Variants in OCA2 observed in about 807,000 individuals in gnomAD.
The protein encoded by OCA2 is P protein.
In OCA2, 77 loss-of-function variants were observed where a neutral mutation model predicts 100.2. The observed-to-expected ratio is 0.77, with a 90% CI of 0.64 to 0.93. The LOEUF is 0.93. OCA2 is among the 40% of genes least tolerant of loss of function. The pLI is 0.00. For missense variants in OCA2, 1,062 were observed against 1,089.1 expected, an observed-to-expected ratio of 0.98 and a Z score of 0.35; for synonymous variants, 432 against 439.2, an observed-to-expected ratio of 0.98 and a Z score of 0.21.
chr15:27,957,486 TA>T lies in OCA2; in HGVS notation c.1784+101del. On this transcript the variant is annotated intron_variant, in intron 16 of 23. Coordinates refer to ENST00000354638, the MANE Select transcript of OCA2 (RefSeq NM_000275.3). The surrounding 1 kb of genome is among the most constrained non-coding windows in gnomAD (Gnocchi z 4.3). ...GAGGCTTAGCACAGTGTGCGTCACC[TA>T]AATATCACGTATTAGTATACAGCTA... The T allele has an allele frequency of 7.2e-7, 1 of 1,380,438 alleles. No individual in the cohort carries two copies. The highest frequency in any genetic ancestry group is 1.0e-6 in the Non-Finnish European group (1 of 974,436). 85.5% of individuals were successfully genotyped at this position (1,380,438 alleles called of 1,614,324 possible). A position where few individuals can be genotyped will look rare whatever the true frequency, so the allele number is the denominator to read the frequency against.
chr15:27,893,801 T>C (rs1015938631), intron 19 of OCA2, among the ~76,000 whole-genome samples: 3 of 152,228 alleles, frequency 2.0e-5, no homozygotes, highest in South Asian at 2.1e-4. Context: ...CCGCTGAACA[T>C]AGACCCTTAT....
chr15:28,060,478 A>T (rs1329166692), intron 2 of OCA2, among the ~76,000 whole-genome samples: 3 of 152,216 alleles, frequency 2.0e-5, no homozygotes, highest in Non-Finnish European at 4.4e-5. Context: ...TTAGTATCTC[A>T]AAAGTATTAT....
chr15:27,951,923 C>G, intron 17 of OCA2, 31 bp from the exon 18 acceptor site: 4 of 1,427,382 alleles, frequency 2.8e-6, no homozygotes, highest in Non-Finnish European at 4.0e-6. Flanking sequence ...CTCATTTACT[C>G]TGCACAACCT....
chr15:27,892,709 A>T (rs2037515574), intron 19 of OCA2, among the ~76,000 whole-genome samples: 1 of 152,180 alleles, frequency 6.6e-6, no homozygotes, highest in African/African-American at 2.4e-5. Flanking sequence ...AACAATAAAG[A>T]TCACAGAAGA....
intron 23 of OCA2, among the ~76,000 whole-genome samples, chr15:27,776,981 G>T (rs952687530): frequency 3.3e-5 from 5 of 151,104 alleles, no homozygotes; most frequent in African/African-American, 9.7e-5. Context: ...AGGTGGGGGG[G>T]GGTGGGGGGA....
Position 28,016,154 on chromosome 15 carries a change from C to A in OCA2, c.840G>T (p.Pro280=). ...VTHNWTVYLN[P]RRSEHSVMSR... is the part of the protein sequence containing the mutation. ...TCATCACTGAGTGCTCGCTTCTCCT[C>A]GGATTTAAATACACCGTCCAGTTGT... Residue 280 remains proline, a synonymous_variant, in exon 8 of 24, where the codon CCG becomes CCT. Transcript: ENST00000354638. 1 of 1,614,172 alleles carries A rather than the reference C, an allele frequency of 6.2e-7. No individual in the cohort carries two copies. The highest frequency in any genetic ancestry group is 8.5e-7 in the Non-Finnish European group (1 of 1,180,022).
chr15:27,927,848 G>A (rs1414105201), intron 18 of OCA2, among the ~76,000 whole-genome samples: 1 of 139,744 alleles, frequency 7.2e-6, no homozygotes, highest in Non-Finnish European at 1.5e-5. Context: ...CTGGAGTGCA[G>A]TGGTGCAATC....
rs1462677115 is a variant in OCA2, at chr15:27,982,414, G to A, written c.1503+931C>T. 2.0e-5 allele frequency among the ~76,000 whole-genome samples: 3 copies of A among 152,106 alleles called. No individual in the cohort carries two copies. In the East Asian group the frequency reaches 5.8e-4, roughly 29 times the overall value. ...CAGGTGCCCCTAGCATAAACTGCAG[G>A]GTCTGTTACCACCTGACATGCTCCA... On this transcript the variant is annotated intron_variant, in intron 14 of 23. Coordinates refer to ENST00000354638, the MANE Select transcript of OCA2 (RefSeq NM_000275.3).
At chr15:27,859,061 T>C (rs868556701) in intron 21 of OCA2, among the ~76,000 whole-genome samples, 4 of 152,172 alleles carry the variant, frequency 2.6e-5, no homozygotes, top group Middle Eastern at 3.4e-3. Context: ...TAAATGCATA[T>C]ATTATAAAAG....
chr15:27,793,635 G>A (rs116674106), intron 23 of OCA2, among the ~76,000 whole-genome samples: 194 of 152,232 alleles, frequency 1.3e-3, no homozygotes, highest in African/African-American at 4.1e-3. Flanking sequence ...CCTCCATCCC[G>A]CTCACGTGCA....
chr15:27,814,913 T>C (rs1473736160), intron 23 of OCA2, among the ~76,000 whole-genome samples: 6 of 149,078 alleles, frequency 4.0e-5, no homozygotes, highest in African/African-American at 7.5e-5. Flanking sequence ...GATAGATAGA[T>C]AGATAGATAG....
chr15:28,049,097 G>C (rs2043430360), intron 2 of OCA2, among the ~76,000 whole-genome samples: 1 of 152,140 alleles, frequency 6.6e-6, no homozygotes, highest in South Asian at 2.1e-4. Context: ...TAAGGGTCTA[G>C]TATCCAATAT....
the OCA2 span, among the ~76,000 whole-genome samples, chr15:27,719,151 G>A: frequency 2.0e-5 from 3 of 152,214 alleles, no homozygotes; most frequent in East Asian, 5.8e-4. Flanking sequence ...CCACTGGAAT[G>A]TCCTTGAGAA....
At chr15:27,826,524 T>C (rs2034729772) in intron 23 of OCA2, among the ~76,000 whole-genome samples, 1 of 152,160 alleles carries the variant, frequency 6.6e-6, no homozygotes, top group African/African-American at 2.4e-5. Context: ...CTCCCCCTCC[T>C]TTCCCCAGCT....
At position 27,901,976 on chromosome 15, in the gene OCA2, CCTGG is replaced by C. The variant is rs144183903; in HGVS notation, c.2079+24147_2079+24150del. On this transcript the variant is annotated intron_variant, in intron 19 of 23. Coordinates refer to ENST00000354638, the MANE Select transcript of OCA2 (RefSeq NM_000275.3). ...CCAGAGCCACTGTGACCAGAAGGGT[CCTGG>C]CAGGGGGCGGAGGGGGAGAGCACTC... Among the ~76,000 whole-genome samples the C allele has an allele frequency of 1.8e-3, 275 of 152,258 alleles. 5 individuals carry two copies. The East Asian group carries it at 0.049, about 27-fold the overall frequency.
intron 23 of OCA2, among the ~76,000 whole-genome samples, chr15:27,819,997 G>T (rs188227013): frequency 6.6e-6 from 1 of 152,114 alleles, no homozygotes; most frequent in Admixed American, 6.5e-5. Flanking sequence ...CGATGTTAGC[G>T]GCACACATCA....
chr15:28,092,860 C>T (rs1389514043), intron 1 of OCA2, among the ~76,000 whole-genome samples: 1 of 152,006 alleles, frequency 6.6e-6, no homozygotes, highest in Non-Finnish European at 1.5e-5. Flanking sequence ...TTCCTCAGAC[C>T]TATTAAAGAA....
At chr15:28,080,964 G>A (rs1185199434) in intron 2 of OCA2, among the ~76,000 whole-genome samples, 1 of 152,100 alleles carries the variant, frequency 6.6e-6, no homozygotes, top group South Asian at 2.1e-4. Flanking sequence ...GATGTAGCTG[G>A]AGGCCATTAT....
intron 21 of OCA2, among the ~76,000 whole-genome samples, chr15:27,866,753 G>C (rs2036341407): frequency 6.6e-6 from 1 of 152,204 alleles, no homozygotes; most frequent in African/African-American, 2.4e-5. Flanking sequence ...GCTGAGGTAG[G>C]GATGGAGAAA....
Sources: gnomAD v4.1 joint callset for allele counts (sites outside exome capture counted in the v4.1 genomes callset) on GRCh38, gnomAD v4.1.1 for gene constraint, Gnocchi (gnomAD v3.1) non-coding constraint, MANE v1.5 for transcripts, NCBI Gene and HGNC (gene_info 2026-07-23, HGNC 2026-07-21) for gene names.